ADAM9: variants seen among roughly 807,000 people sequenced by gnomAD.
The protein encoded by ADAM9 is disintegrin and metalloproteinase domain-containing protein 9.
ADAM9 carries 54 observed loss-of-function variants against 108.1 expected under a neutral mutation model. That is an observed-to-expected ratio of 0.50 (90% CI 0.40 to 0.63). The LOEUF (loss-of-function observed/expected upper bound fraction) is 0.63, where lower values mean the gene tolerates loss of function less well. ADAM9 is among the 20% of genes least tolerant of loss of function. ADAM9 has a pLI of 0.00. For missense variants in ADAM9, 830 were observed against 997.7 expected (o/e 0.83, Z 2.26); for synonymous variants, 316 against 336.0 (o/e 0.94, Z 0.65).
At position 39,045,101 on chromosome 8, in the gene ADAM9, TGTGC is replaced by T. The variant is rs1261787592; in HGVS notation, c.1302+2985_1302+2988del. On this transcript the variant is annotated intron_variant, in intron 12 of 21. Transcript: ENST00000487273. ...GTGTGTGCATACATACATATGTGTG[TGTGC>T]ATACATACATATGTGTGTGTGCATA... Among the ~76,000 whole-genome samples the T allele has an allele frequency of 2.6e-3, 78 of 30,516 alleles. 15 individuals are homozygous for T. The East Asian group carries it at 0.028, about 11-fold the overall frequency. The allele number at this position is 30,516 out of a possible 152,430, so 20.0% of individuals were successfully genotyped here. A position where few individuals can be genotyped will look rare whatever the true frequency, so the allele number is the denominator to read the frequency against.
At chr8:39,100,706 A>G (rs1053056303) in intron 20 of ADAM9, among the ~76,000 whole-genome samples, 3 of 152,162 alleles carry the variant, frequency 2.0e-5, no homozygotes, top group Non-Finnish European at 4.4e-5. Flanking sequence ...CACCTGTTCT[A>G]TGGTAGAAGC....
At chr8:39,042,947 A>C (rs1424754431) in intron 12 of ADAM9, among the ~76,000 whole-genome samples, 1 of 152,146 alleles carries the variant, frequency 6.6e-6, no homozygotes, top group African/African-American at 2.4e-5. Context: ...GACCACCACT[A>C]TTCTGTTCAC....
At chr8:39,043,765 C>G (rs1837527252) in intron 12 of ADAM9, among the ~76,000 whole-genome samples, 1 of 152,002 alleles carries the variant, frequency 6.6e-6, no homozygotes, top group African/African-American at 2.4e-5. Flanking sequence ...TTTTTCAGCC[C>G]TCACACCCCT....
chr8:39,043,830 C>T (rs1837529855), intron 12 of ADAM9, among the ~76,000 whole-genome samples: 1 of 152,082 alleles, frequency 6.6e-6, no homozygotes, highest in Admixed American at 6.6e-5. Context: ...TCTGTACATC[C>T]ATGAATACTG....
At position 39,045,071 on chromosome 8, in the gene ADAM9, TATGTGTGTGTGCATACATAC is replaced by T. The variant is rs1298453645; in HGVS notation, c.1302+2957_1302+2976del. The stretch of plus-strand genomic sequence containing the variant: ...GTGTATGTGTGTGTGCATACATACA[TATGTGTGTGTGCATACATAC>T]ATATGTGTGTGTGCATACATACATA... On this transcript the variant is annotated intron_variant, in intron 12 of 21. Transcript: ENST00000487273. 1.1e-3 allele frequency among the ~76,000 whole-genome samples: 31 copies of T among 28,128 alleles called. 1 individual carries two copies. Among genetic ancestry groups the T allele is most frequent in the African/African-American group, 5.8e-3 (23 of 3,966 alleles). The allele number at this position is 28,128 out of a possible 152,430, so 18.5% of individuals were successfully genotyped here.
intron 20 of ADAM9, among the ~76,000 whole-genome samples, chr8:39,092,009 C>T (rs762009914): frequency 7.9e-5 from 12 of 152,160 alleles, no homozygotes; most frequent in Admixed American, 5.2e-4. Context: ...GCTCTTGGAT[C>T]GGCCTAATTG....
At chr8:39,037,790 C>T (rs1837333757) in intron 11 of ADAM9, among the ~76,000 whole-genome samples, 1 of 152,142 alleles carries the variant, frequency 6.6e-6, no homozygotes, top group Admixed American at 6.5e-5. Flanking sequence ...AAATAAAAAA[C>T]AATTACAAGC....
In ADAM9 at chr8:39,090,279, C is replaced by T. The variant is rs1839311864; in HGVS notation, c.2210+91C>T. On this transcript the variant is annotated intron_variant, in intron 19 of 21. Coordinates refer to ENST00000487273, the MANE Select transcript of ADAM9 (RefSeq NM_003816.3). ...TCGACTTCCCTGGGCTCAGGTGATT[C>T]CCCCTGCCTCAGCCTTCCAAGTAGT... 4 of 1,114,214 alleles carry T rather than the reference C, an allele frequency of 3.6e-6. No individual in the cohort carries two copies. In the South Asian group the frequency reaches 5.9e-5, roughly 16 times the overall value. The allele number at this position is 1,114,214 out of a possible 1,614,324, so 69.0% of individuals were successfully genotyped here.
intron 6 of ADAM9, 53 bp downstream of exon 6, chr8:39,017,467 A>G (rs1193064115): frequency 1.3e-6 from 2 of 1,561,630 alleles, no homozygotes; most frequent in Non-Finnish European, 1.8e-6. Flanking sequence ...TAGAAAAATC[A>G]TGTATTTATT....
intron 4 of ADAM9, chr8:39,014,541 C>T (rs1311889474): frequency 2.8e-6 from 2 of 702,488 alleles, no homozygotes; most frequent in Non-Finnish European, 5.2e-6. Flanking sequence ...GGGGACAGAG[C>T]TGGCCAGAAT....
rs373355126 is a variant in ADAM9, at chr8:39,017,304, G to C, written c.496G>C (p.Asp166His). Residue 166 changes from aspartate (D) to histidine (H), a missense_variant, in exon 6 of 22, where the codon GAT (aspartate) becomes CAT (histidine). By Grantham distance (81) the Asp-to-His change is moderately conservative. Around this residue, in one of 3 missense-constraint regions of ADAM9, gnomAD observed 211 missense variants for 222.2 expected, o/e 0.95. Coordinates refer to ENST00000487273, the MANE Select transcript of ADAM9 (RefSeq NM_003816.3). ...TTTTGAGCACATCATTTATCGAATG[G>C]ATGATGTCTACAAAGAGCCTCTGAA... is the stretch of plus-strand genomic sequence containing the variant. ...SHFEHIIYRM[D>H]DVYKEPLKCG... The C allele has an allele frequency of 1.2e-6, 2 of 1,614,042 alleles. No individual in the cohort carries two copies.
chr8:39,014,871 T>A, intron 4 of ADAM9: 1 of 287,264 alleles, frequency 3.5e-6, no homozygotes, highest in Non-Finnish European at 6.4e-6. Flanking sequence ...AATGCTGACT[T>A]AGGCCTATCT....
intron 7 of ADAM9, among the ~76,000 whole-genome samples, chr8:39,020,341 T>TA (rs964681873): frequency 1.2e-4 from 18 of 151,994 alleles, no homozygotes; most frequent in Middle Eastern, 3.4e-3. Flanking sequence ...AGAAAATGGT[T>TA]AAAAAAAAGG....
intron 12 of ADAM9, among the ~76,000 whole-genome samples, chr8:39,043,166 T>A (rs1837506029): frequency 1.3e-5 from 2 of 152,186 alleles, no homozygotes; most frequent in African/African-American, 4.8e-5. Context: ...ATTTTCTTTA[T>A]CCATTCAACT....
At chr8:39,076,151 T>G (rs1838844248) in intron 15 of ADAM9, 1 of 152,184 alleles carries the variant, frequency 6.6e-6, no homozygotes, top group Admixed American at 6.5e-5. Flanking sequence ...CACCAGGCTG[T>G]CACTGAAATT....
intron 12 of ADAM9, among the ~76,000 whole-genome samples, chr8:39,048,056 G>A (rs1437794988): frequency 6.6e-6 from 1 of 151,896 alleles, no homozygotes; most frequent in Non-Finnish European, 1.5e-5. Flanking sequence ...CAGTAGCTAG[G>A]ATTACAGGCG....
In ADAM9 at chr8:38,997,126, C is replaced by T. The variant is rs1162203490; in HGVS notation, c.63C>T (p.Gly21=). Residue 21 remains glycine (G), a synonymous_variant, in exon 1 of 22, where the codon GGC becomes GGT. Coordinates refer to ENST00000487273, the MANE Select transcript of ADAM9 (RefSeq NM_003816.3). ...GTGTCCGGTGGTTGCTGTTGCTTGG[C>T]CTGGTGGGCCCAGTCCTCGGTGCGG... ...TLRVRWLLLL[G]LVGPVLGAAR... 3 of 1,603,982 alleles carry T rather than the reference C, an allele frequency of 1.9e-6. No individual in the cohort carries two copies. In the East Asian group the frequency reaches 6.7e-5, roughly 36 times the overall value.
Position 39,022,064 on chromosome 8 carries a change from T to TTGTGTG in ADAM9, c.744+379_744+384dup, listed in dbSNP as rs552684363. 1.9e-3 allele frequency among the ~76,000 whole-genome samples: 266 copies of TTGTGTG among 141,568 alleles called. 2 individuals are homozygous for TTGTGTG. The highest frequency in any genetic ancestry group is 6.3e-3 in the African/African-American group (243 of 38,298). The allele number at this position is 141,568 out of a possible 152,430, so 92.9% of individuals were successfully genotyped here. ...CCCTGAAAACATGATATGACAATAT[T>TTGTGTG]TGTGTGTGTGTGTGTGTGTGTGTGT... On this transcript the variant is annotated intron_variant, in intron 8 of 21. Coordinates refer to ENST00000487273, the MANE Select transcript of ADAM9 (RefSeq NM_003816.3).
At chr8:39,055,472 C>T (rs975670693) in intron 13 of ADAM9, 105 bp from the exon 14 acceptor site, 27 of 1,134,124 alleles carry the variant, frequency 2.4e-5, no homozygotes, top group Non-Finnish European at 3.9e-6. Context: ...TAATCTTTTG[C>T]TATTGTTAGA....
Sources: allele counts gnomAD v4.1 joint callset (sites outside exome capture counted in the v4.1 genomes callset), GRCh38; gene constraint gnomAD v4.1.1; regional missense constraint gnomAD v4.1.1; transcripts MANE v1.5; gene names NCBI Gene and HGNC (gene_info 2026-07-23, HGNC 2026-07-21).